The following ZNF804B variants were observed in gnomAD, a reference collection of about 807,000 sequenced individuals.
ZNF804B encodes the protein zinc finger 804B.
ZNF804B carries 80 observed loss-of-function variants against 101.4 expected under a neutral mutation model. That is an observed-to-expected ratio of 0.79 (90% CI 0.66 to 0.95). The LOEUF is 0.95. ZNF804B is among the 40% of genes least tolerant of loss of function. ZNF804B has a pLI of 0.00. For missense variants in ZNF804B, 1,673 were observed against 1,561.9 expected, an observed-to-expected ratio of 1.07 and a Z score of -1.20; for synonymous variants, 622 against 558.8, an observed-to-expected ratio of 1.11 and a Z score of -1.59.
chr7:89,264,079 A>G (rs1169378947), intron 2 of ZNF804B, among the ~76,000 whole-genome samples: 1 of 152,186 alleles, frequency 6.6e-6, no homozygotes, highest in African/African-American at 2.4e-5. Context: ...CTTGTCACTT[A>G]CAAACATGTT....
At position 89,220,098 on chromosome 7, in the gene ZNF804B, T is replaced by C. The variant is rs71539401; in HGVS notation, c.249+1803T>C. 4.7e-3 allele frequency among the ~76,000 whole-genome samples: 242 copies of C among 51,520 alleles called. 36 individuals carry two copies. Among genetic ancestry groups the C allele is most frequent in the African/African-American group, 0.02 (192 of 9,666 alleles). 33.8% of individuals were successfully genotyped at this position (51,520 alleles called of 152,430 possible). On this transcript the variant is annotated intron_variant, in intron 2 of 3. Coordinates refer to ENST00000333190, the MANE Select transcript of ZNF804B (RefSeq NM_181646.5). Reference sequence around the variant, plus strand: ...GTGTATATACATATATATACGCACATATATATGTGTGTATATACATATATA... The same window carrying C: ...GTGTATATACATATATATACGCACACATATATGTGTGTATATACATATATA...
intron 1 of ZNF804B, among the ~76,000 whole-genome samples, chr7:89,175,571 A>AT (rs1562905843): frequency 6.6e-6 from 1 of 152,000 alleles, no homozygotes; most frequent in African/African-American, 2.4e-5. Context: ...GTGATTCCAT[A>AT]TACATTTTAG....
In ZNF804B at chr7:88,884,132, C is replaced by CT. The variant is rs561692838; in HGVS notation, c.108+124058dup. On this transcript the variant is annotated intron_variant, in intron 1 of 3. Coordinates refer to ENST00000333190, the MANE Select transcript of ZNF804B (RefSeq NM_181646.5). The stretch of plus-strand genomic sequence containing the variant: ...TTTTATATGTCTATAATGATTTTAT[C>CT]TTTTTTTTTTCTGAGCACTCTCCAT... 1.9e-3 allele frequency among the ~76,000 whole-genome samples: 288 copies of CT among 148,512 alleles called. 7 individuals carry two copies. In the South Asian group the frequency reaches 0.055, roughly 28 times the overall value.
intron 2 of ZNF804B, among the ~76,000 whole-genome samples, chr7:89,269,965 C>T (rs1408415098): frequency 6.6e-6 from 1 of 152,046 alleles, no homozygotes; most frequent in African/African-American, 2.4e-5. Flanking sequence ...TGGATATTAG[C>T]CCTTTGTCAG....
intron 2 of ZNF804B, among the ~76,000 whole-genome samples, chr7:89,306,792 G>T (rs1244202044): frequency 6.6e-6 from 1 of 151,926 alleles, no homozygotes; most frequent in Admixed American, 6.6e-5. Flanking sequence ...GCAATCACAG[G>T]CAACTTCAGT....
chr7:88,960,136 T>C (rs73399369), intron 1 of ZNF804B, among the ~76,000 whole-genome samples: 4,874 of 151,608 alleles, frequency 0.032, 91 homozygotes, highest in African/African-American at 0.044. Context: ...AATTTTGTTA[T>C]ACATTTATTG....
Position 88,879,184 on chromosome 7 carries a change from G to A in ZNF804B, c.108+119100G>A, listed in dbSNP as rs540459006. Among the ~76,000 whole-genome samples, 3 of 152,244 alleles carry A rather than the reference G, an allele frequency of 2.0e-5. No homozygotes were observed. The South Asian group carries it at 6.2e-4, about 32-fold the overall frequency. ...TCAATTACTGATATAAACATCTTTG[G>A]AGGAGACCTCGTTTGAGCAAAGTTA... On this transcript the variant is annotated intron_variant, in intron 1 of 3. Transcript: ENST00000333190.
intron 1 of ZNF804B, among the ~76,000 whole-genome samples, chr7:88,796,091 G>A (rs1790478737): frequency 6.6e-6 from 1 of 151,954 alleles, no homozygotes; most frequent in Non-Finnish European, 1.5e-5. Context: ...TCTATAGTAA[G>A]ATTTGGCTTA....
chr7:89,274,218 G>C (rs1397351931), intron 2 of ZNF804B, among the ~76,000 whole-genome samples: 1 of 142,894 alleles, frequency 7.0e-6, no homozygotes, highest in African/African-American at 2.6e-5. Context: ...GTGCAGGTTA[G>C]TTACATATGT....
At chr7:89,267,048 G>A (rs1789806973) in intron 2 of ZNF804B, among the ~76,000 whole-genome samples, 1 of 152,176 alleles carries the variant, frequency 6.6e-6, no homozygotes, top group South Asian at 2.1e-4. Context: ...GGAGTTCACT[G>A]TTTGGAGTGA....
intron 2 of ZNF804B, among the ~76,000 whole-genome samples, chr7:89,298,496 C>T (rs762316741): frequency 2.7e-5 from 4 of 150,622 alleles, no homozygotes; most frequent in Admixed American, 1.3e-4. Flanking sequence ...AGTGGGATTA[C>T]GTAGTATATG....
chr7:88,954,970 A>G (rs1793281662), intron 1 of ZNF804B, among the ~76,000 whole-genome samples: 1 of 151,522 alleles, frequency 6.6e-6, no homozygotes, highest in Non-Finnish European at 1.5e-5. Context: ...CATCTTAGAA[A>G]AGGAGATTTT....
chr7:88,856,248 T>C, intron 1 of ZNF804B, among the ~76,000 whole-genome samples: 1 of 152,192 alleles, frequency 6.6e-6, no homozygotes, highest in East Asian at 1.9e-4. Context: ...GCATGGAATG[T>C]TCTTCCATTT....
chr7:88,939,482 T>C (rs1055237339), intron 1 of ZNF804B, among the ~76,000 whole-genome samples: 7 of 151,854 alleles, frequency 4.6e-5, no homozygotes, highest in Non-Finnish European at 7.4e-5. Context: ...TAAATCAAGC[T>C]TACTTGTCAA....
intron 1 of ZNF804B, among the ~76,000 whole-genome samples, chr7:88,888,703 G>A (rs1201035828): frequency 6.6e-6 from 1 of 152,012 alleles, no homozygotes; most frequent in African/African-American, 2.4e-5. Flanking sequence ...ATGCTACTCT[G>A]TTTTACTTAA....
At chr7:88,948,978 A>G (rs1388481472) in intron 1 of ZNF804B, among the ~76,000 whole-genome samples, 1 of 151,606 alleles carries the variant, frequency 6.6e-6, no homozygotes, top group Non-Finnish European at 1.5e-5. Flanking sequence ...TTTAAAATTA[A>G]TTTTGTATGT....
At chr7:89,279,695 A>G (rs1460796529) in intron 2 of ZNF804B, among the ~76,000 whole-genome samples, 2 of 152,104 alleles carry the variant, frequency 1.3e-5, no homozygotes, top group Non-Finnish European at 2.9e-5. Context: ...CATCCCAGGG[A>G]TGAAGCCCAC....
At chr7:88,815,619 A>T (rs555152580) in intron 1 of ZNF804B, among the ~76,000 whole-genome samples, 5 of 152,040 alleles carry the variant, frequency 3.3e-5, no homozygotes, top group African/African-American at 1.2e-4. Context: ...CCTCCTTCCC[A>T]ATGTCCTCCT....
chr7:88,994,505 T>G (rs1291185281), intron 1 of ZNF804B, among the ~76,000 whole-genome samples: 1 of 152,018 alleles, frequency 6.6e-6, no homozygotes, highest in Admixed American at 6.6e-5. Context: ...AAAATTTAGG[T>G]TAGTGATTTT....
Sources: gnomAD v4.1 joint callset for allele counts (sites outside exome capture counted in the v4.1 genomes callset) on GRCh38, gnomAD v4.1.1 for gene constraint, MANE v1.5 for transcripts, NCBI Gene and HGNC (gene_info 2026-07-23, HGNC 2026-07-21) for gene names.